FHIP2A: variants seen among roughly 807,000 people sequenced by gnomAD.
FHIP2A encodes FHF complex subunit HOOK interacting protein 2A, also known as family with sequence similarity 160 member B1.
In FHIP2A, 46 loss-of-function variants were observed where a neutral mutation model predicts 93.5. The observed-to-expected ratio is 0.49, with a 90% confidence interval of 0.39 to 0.63. The LOEUF (loss-of-function observed/expected upper bound fraction) is 0.63. Among genes scored for constraint, FHIP2A ranks in the 20% least tolerant of loss-of-function variants. FHIP2A has a pLI of 0.00. For synonymous variants in FHIP2A, 332 were observed against 326.5 expected (o/e 1.02, Z -0.18); for missense variants, 769 against 909.7 (o/e 0.85, Z 1.99).
At chr10:114,881,625 A>G (rs2083917490) in intron 16 of FHIP2A, among the ~76,000 whole-genome samples, 1 of 152,142 alleles carries the variant, frequency 6.6e-6, no homozygotes, top group Non-Finnish European at 1.5e-5. Context: ...AAGGAACTTC[A>G]GAGATTTTAG....
chr10:114,846,261 T>C lies in FHIP2A; in HGVS notation c.1292T>C (p.Val431Ala). 6.2e-7 allele frequency: 1 copy of C among 1,614,174 alleles called. No individual in the cohort carries two copies. The highest frequency in any genetic ancestry group is 2.2e-5 in the East Asian group (1 of 44,884). ...TCTGATGTTTTGCTTCAAGAAATGG[T>C]GTTTTTTATCCTTGGAGAACAGAGG... ...VTSDVLLQEM[V>A]FFILGEQREP... The change falls in exon 10 of 17, where the codon GTG (valine) becomes GCG (alanine). Residue 431 changes from valine to alanine, a missense_variant. Physicochemically the swap from Val to Ala is moderately conservative, Grantham distance 64. Transcript: ENST00000369248.
intron 7 of FHIP2A, among the ~76,000 whole-genome samples, chr10:114,844,966 TTTG>T (rs1232367109): frequency 1.3e-5 from 2 of 148,224 alleles, no homozygotes; most frequent in South Asian, 2.1e-4. Flanking sequence ...TTTTTTTTTT[TTTG>T]TATTTTTAGT....
chr10:114,867,222 AAG>A (rs1434041642), downstream of FHIP2A, among the ~76,000 whole-genome samples: 159 of 151,822 alleles, frequency 1.0e-3, no homozygotes, highest in African/African-American at 3.3e-3. Context: ...AAAAAAAAAA[AAG>A]AAGTTATAAT....
intron 16 of FHIP2A, among the ~76,000 whole-genome samples, chr10:114,882,985 C>T (rs970981701): frequency 2.6e-5 from 4 of 151,902 alleles, no homozygotes; most frequent in African/African-American, 7.3e-5. Context: ...CAATGCCAGG[C>T]GGGAAAGAGC....
chr10:114,878,544 C>T (rs985222596), intron 16 of FHIP2A, among the ~76,000 whole-genome samples: 4 of 152,088 alleles, frequency 2.6e-5, no homozygotes, highest in Non-Finnish European at 4.4e-5. Flanking sequence ...TTTGGGAGGC[C>T]GAGGTGGGTG....
intron 16 of FHIP2A, among the ~76,000 whole-genome samples, chr10:114,898,180 A>G (rs1374777602): frequency 6.6e-6 from 1 of 152,072 alleles, no homozygotes; most frequent in African/African-American, 2.4e-5. Flanking sequence ...CTGCTTTGTG[A>G]TACTGTGGAG....
At chr10:114,870,154 G>C (rs1264139161) in intron 16 of FHIP2A, among the ~76,000 whole-genome samples, 1 of 152,076 alleles carries the variant, frequency 6.6e-6, no homozygotes, top group Admixed American at 6.5e-5. Context: ...CCTTCCTCCA[G>C]TGATCTGTGT....
Position 114,862,365 on chromosome 10 carries a change from T to C in FHIP2A, c.*825T>C. 1 of 987,408 alleles carries C rather than the reference T, an allele frequency of 1.0e-6. No homozygotes were observed. The highest frequency in any genetic ancestry group is 1.2e-6 in the Non-Finnish European group (1 of 829,998). The allele number at this position is 987,408 out of a possible 1,614,324, so 61.2% of individuals were successfully genotyped here. ...CTGGGTTGAGAACCTTTTTCCCCCCTCTCCCTCTCAGAAAATTGCTTTATA... is the reference window on the plus strand; with the variant it reads ...CTGGGTTGAGAACCTTTTTCCCCCCCCTCCCTCTCAGAAAATTGCTTTATA... On this transcript the variant is annotated 3_prime_UTR_variant, in exon 17 of 17. Coordinates refer to ENST00000369248, the MANE Select transcript of FHIP2A (RefSeq NM_020940.4).
downstream of FHIP2A, among the ~76,000 whole-genome samples, chr10:114,864,937 C>A (rs2083821091): frequency 6.6e-6 from 1 of 152,090 alleles, no homozygotes; most frequent in Non-Finnish European, 1.5e-5. Context: ...CTCCACTTCC[C>A]TTCTTAATAA....
chr10:114,843,270 T>A (rs533754207), intron 6 of FHIP2A, 44 bp downstream of exon 6: 1 of 1,214,682 alleles, frequency 8.2e-7, no homozygotes, highest in Non-Finnish European at 1.1e-6. Flanking sequence ...ATTATTTCAA[T>A]AATGTGTATT....
chr10:114,862,953 T>G lies in FHIP2A; in HGVS notation c.*1413T>G. 5 of 985,444 alleles carry G rather than the reference T, an allele frequency of 5.1e-6. No homozygotes were observed. Among genetic ancestry groups the G allele is most frequent in the Non-Finnish European group, 6.0e-6 (5 of 829,928 alleles). The allele number at this position is 985,444 out of a possible 1,614,324, so 61.0% of individuals were successfully genotyped here. On this transcript the variant is annotated 3_prime_UTR_variant, in exon 17 of 17. Transcript: ENST00000369248. ...ATTGTGTGGCATGTGCATAGAGGCT[T>G]GTTTTACACCTATCTGCTCATTTTG...
intron 14 of FHIP2A, among the ~76,000 whole-genome samples, chr10:114,856,132 T>C (rs2083765348): frequency 1.3e-5 from 2 of 152,186 alleles, no homozygotes; most frequent in Non-Finnish European, 2.9e-5. Context: ...TAGTTAAATA[T>C]TTATGTGAGC....
chr10:114,846,663 A>G lies in FHIP2A; in HGVS notation c.1503A>G (p.Thr501=), dbSNP rs374139357. The part of the protein sequence containing the change: ...VLRNLEERNY[T]EYKPLCPEDK... Reference sequence around the variant, plus strand: ...GAAATCTTGAAGAAAGAAATTATACAGAATATAAACCTTTGTGCCCAGAAG... The same window carrying G: ...GAAATCTTGAAGAAAGAAATTATACGGAATATAAACCTTTGTGCCCAGAAG... The change falls in exon 11 of 17, where the codon ACA becomes ACG. Residue 501 remains threonine (T), a synonymous_variant. Coordinates refer to ENST00000369248, the MANE Select transcript of FHIP2A (RefSeq NM_020940.4). 3.1e-6 allele frequency: 5 copies of G among 1,612,372 alleles called. No individual in the cohort carries two copies. In the African/African-American group the frequency reaches 4.0e-5, roughly 13 times the overall value.
At chr10:114,854,914 T>G (rs1592023621) in intron 13 of FHIP2A, among the ~76,000 whole-genome samples, 1 of 152,314 alleles carries the variant, frequency 6.6e-6, no homozygotes, top group African/African-American at 2.4e-5. Flanking sequence ...AACTAAAGAG[T>G]TAAATTCCTT....
At chr10:114,857,404 G>A (rs575003421) in intron 14 of FHIP2A, among the ~76,000 whole-genome samples, 2 of 146,340 alleles carry the variant, frequency 1.4e-5, no homozygotes, top group Admixed American at 7.0e-5. Context: ...TCTCCCTCCC[G>A]GCTCAAGCGA....
At chr10:114,860,698 C>T (rs1192458921) in intron 14 of FHIP2A, 51 bp from the exon 15 acceptor site, 2 of 1,395,616 alleles carry the variant, frequency 1.4e-6, no homozygotes, top group African/African-American at 2.8e-5. Flanking sequence ...AAATTAAGCA[C>T]ACCGGTATAC....
chr10:114,866,229 T>A (rs1193110205), downstream of FHIP2A, among the ~76,000 whole-genome samples: 1 of 152,134 alleles, frequency 6.6e-6, no homozygotes, highest in East Asian at 1.9e-4. Context: ...TGGTTTTCTG[T>A]TCCTGCGTTA....
At chr10:114,837,642 A>G (rs2083643770) in intron 5 of FHIP2A, among the ~76,000 whole-genome samples, 1 of 152,196 alleles carries the variant, frequency 6.6e-6, no homozygotes, top group African/African-American at 2.4e-5. Flanking sequence ...TTGTGTTACC[A>G]CCACAATCAA....
At chr10:114,830,445 G>C (rs1406269628) in intron 1 of FHIP2A, among the ~76,000 whole-genome samples, 1 of 151,684 alleles carries the variant, frequency 6.6e-6, no homozygotes, top group African/African-American at 2.4e-5. Flanking sequence ...GCTAATTTTT[G>C]TATTTTTAGT....
Sources: allele counts gnomAD v4.1 joint callset (sites outside exome capture counted in the v4.1 genomes callset), GRCh38; gene constraint gnomAD v4.1.1; transcripts MANE v1.5; gene names NCBI Gene and HGNC (gene_info 2026-07-23, HGNC 2026-07-21).